Variants in NHSL1 observed in about 807,000 individuals in gnomAD.
NHSL1 encodes the protein NHS like 1, also known as NHS-like protein 1.
A neutral mutation model predicts 95.0 loss-of-function variants in NHSL1; 48 were observed. The observed-to-expected ratio is 0.51, with a 90% CI of 0.40 to 0.64. The LOEUF (loss-of-function observed/expected upper bound fraction) is 0.64. Among genes scored for constraint, NHSL1 ranks in the 30% least tolerant of loss-of-function variants. The pLI, the probability that NHSL1 is intolerant of heterozygous loss-of-function variation, is 0.00. For synonymous variants in NHSL1, 783 were observed against 833.9 expected (o/e 0.94, Z 1.05); for missense variants, 1,971 against 2,077.7 (o/e 0.95, Z 1.00).
intron 1 of NHSL1, among the ~76,000 whole-genome samples, chr6:138,521,423 G>A (rs1025691483): frequency 9.9e-5 from 15 of 152,164 alleles, no homozygotes; most frequent in Admixed American, 5.9e-4. Context: ...CCATGATCAC[G>A]CCACTGCCCT....
chr6:138,486,375 A>C (rs568318711), intron 2 of NHSL1, among the ~76,000 whole-genome samples: 1 of 152,194 alleles, frequency 6.6e-6, no homozygotes, highest in Non-Finnish European at 1.5e-5. Context: ...TGGCTTCTTA[A>C]TCTAAAGACT....
In NHSL1 at chr6:138,428,717, G is replaced by C. The variant is rs191278826; in HGVS notation, c.4085+994C>G. Among the ~76,000 whole-genome samples the C allele has an allele frequency of 4.5e-4, 68 of 152,216 alleles. 1 individual carries two copies. The highest frequency in any genetic ancestry group is 1.6e-3 in the African/African-American group (67 of 41,530). On this transcript the variant is annotated intron_variant, in intron 7 of 7. Transcript: ENST00000343505. ...CTTTTCAGGGAGAGTCCAAGAATTGGGAAAGCAGTGCTGACATAAGATCAT... is the reference window on the plus strand; with the variant it reads ...CTTTTCAGGGAGAGTCCAAGAATTGCGAAAGCAGTGCTGACATAAGATCAT...
intron 2 of NHSL1, 23 bp from the exon 3 acceptor site, chr6:138,473,456 G>T: frequency 7.2e-7 from 1 of 1,394,194 alleles, no homozygotes; most frequent in Non-Finnish European, 9.4e-7. Flanking sequence ...ACGCAGGGAG[G>T]GGAAGGAGGC....
intron 1 of NHSL1, among the ~76,000 whole-genome samples, chr6:138,551,093 T>C (rs1190797211): frequency 2.0e-5 from 3 of 152,216 alleles, no homozygotes; most frequent in Non-Finnish European, 4.4e-5. Flanking sequence ...TATTACAGCA[T>C]ACTGTTATAA....
At chr6:138,445,736 C>T (rs530383553) in intron 4 of NHSL1, among the ~76,000 whole-genome samples, 25 of 152,316 alleles carry the variant, frequency 1.6e-4, no homozygotes, top group African/African-American at 6.0e-4. Context: ...AGCTTTCTAA[C>T]AGCAGTAGCC....
intron 1 of NHSL1, among the ~76,000 whole-genome samples, chr6:138,512,894 G>A (rs539872996): frequency 6.6e-5 from 10 of 152,278 alleles, no homozygotes; most frequent in South Asian, 2.1e-4. Context: ...GGTTTTCCCC[G>A]GTGTTACCTC....
At chr6:138,566,653 AC>A (rs1408872412) in intron 1 of NHSL1, among the ~76,000 whole-genome samples, 1 of 151,700 alleles carries the variant, frequency 6.6e-6, no homozygotes, top group Non-Finnish European at 1.5e-5. Context: ...AAGTTTTTAA[AC>A]TAAAAAAGGA....
intron 2 of NHSL1, among the ~76,000 whole-genome samples, chr6:138,474,224 C>A (rs1778930184): frequency 6.6e-6 from 1 of 152,138 alleles, no homozygotes; most frequent in Non-Finnish European, 1.5e-5. Context: ...GGGGCATTTG[C>A]CTCAAAAAAG....
chr6:138,509,699 C>G (rs973131301), intron 1 of NHSL1, among the ~76,000 whole-genome samples: 15 of 152,170 alleles, frequency 9.9e-5, no homozygotes, highest in Non-Finnish European at 1.9e-4. Context: ...TCTTCCTTCA[C>G]CAGAGAAAGA....
chr6:138,670,903 C>G (rs1473686750), intron 1 of NHSL1, among the ~76,000 whole-genome samples: 1 of 152,140 alleles, frequency 6.6e-6, no homozygotes, highest in African/African-American at 2.4e-5. Flanking sequence ...TGCCTGTAAT[C>G]CCAGCACCCT....
chr6:138,452,564 A>G (rs1476862176), intron 3 of NHSL1, among the ~76,000 whole-genome samples: 1 of 152,248 alleles, frequency 6.6e-6, no homozygotes, highest in Non-Finnish European at 1.5e-5. Context: ...TATATAGAAC[A>G]TATCAACTAT....
chr6:138,643,614 G>T (rs1043288914), intron 1 of NHSL1, among the ~76,000 whole-genome samples: 1 of 152,140 alleles, frequency 6.6e-6, no homozygotes, highest in Non-Finnish European at 1.5e-5. Context: ...TAGAACCTCT[G>T]ACAAATAGTA....
At chr6:138,451,333 G>A (rs1777224059) in intron 3 of NHSL1, among the ~76,000 whole-genome samples, 1 of 151,732 alleles carries the variant, frequency 6.6e-6, no homozygotes, top group Non-Finnish European at 1.5e-5. Flanking sequence ...TTTTCTTTAG[G>A]TCCCCTTAAG....
chr6:138,532,030 G>C (rs187145035), intron 1 of NHSL1, among the ~76,000 whole-genome samples: 1 of 152,296 alleles, frequency 6.6e-6, no homozygotes, highest in South Asian at 2.1e-4. Flanking sequence ...CAGAGAAGGG[G>C]TTACTAACCA....
At chr6:138,558,011 A>G (rs1211777984) in intron 1 of NHSL1, among the ~76,000 whole-genome samples, 1 of 152,254 alleles carries the variant, frequency 6.6e-6, no homozygotes, top group Non-Finnish European at 1.5e-5. Context: ...CTTCTGTTAT[A>G]TGGAACTACA....
intron 1 of NHSL1, among the ~76,000 whole-genome samples, chr6:138,634,038 T>C (rs952110339): frequency 6.6e-6 from 1 of 152,094 alleles, no homozygotes; most frequent in Admixed American, 6.5e-5. Flanking sequence ...ACATGCTTTA[T>C]GGTAAACTCA....
At position 138,669,978 on chromosome 6, in the gene NHSL1, G is replaced by A. The variant is rs139578966; in HGVS notation, c.96+22498C>T. Among the ~76,000 whole-genome samples the A allele has an allele frequency of 1.1e-4, 17 of 152,156 alleles. 1 individual carries two copies. Among genetic ancestry groups the A allele is most frequent in the South Asian group, 1.0e-3 (5 of 4,822 alleles). Reference sequence around the variant, plus strand: ...TCTACTAAAAATACAAAATTTAGCCGGGCATGGTAACATGTGCCTGTAATC... The same window carrying A: ...TCTACTAAAAATACAAAATTTAGCCAGGCATGGTAACATGTGCCTGTAATC... On this transcript the variant is annotated intron_variant, in intron 1 of 3. Coordinates refer to the NHSL1 transcript ENST00000491526.
At chr6:138,590,042 G>A (rs1784201549) in intron 1 of NHSL1, among the ~76,000 whole-genome samples, 1 of 152,210 alleles carries the variant, frequency 6.6e-6, no homozygotes, top group South Asian at 2.1e-4. Flanking sequence ...CTGTTGCCCA[G>A]TCTGAAGTCC....
chr6:138,628,338 A>G (rs1403279078), intron 1 of NHSL1, among the ~76,000 whole-genome samples: 1 of 152,002 alleles, frequency 6.6e-6, no homozygotes, highest in East Asian at 1.9e-4. Flanking sequence ...AAAAAGTGGT[A>G]TATCCATAGA....
Sources: gnomAD v4.1 joint callset for allele counts (sites outside exome capture counted in the v4.1 genomes callset) on GRCh38, gnomAD v4.1.1 for gene constraint, MANE v1.5 for transcripts, NCBI Gene and HGNC (gene_info 2026-07-23, HGNC 2026-07-21) for gene names.